The following AKIRIN2 variants were observed in gnomAD, a reference collection of about 807,000 sequenced individuals.
AKIRIN2 encodes akirin-2.
In AKIRIN2, 6 loss-of-function variants were observed where a neutral mutation model predicts 29.3. The observed-to-expected ratio is 0.20, with a 90% CI of 0.11 to 0.40. The LOEUF (loss-of-function observed/expected upper bound fraction) is 0.40, where lower values mean the gene tolerates loss of function less well. Among genes scored for constraint, AKIRIN2 ranks in the 10% least tolerant of loss-of-function variants. The pLI is 1.00. For missense variants in AKIRIN2, 210 were observed against 276.1 expected (o/e 0.76, Z 1.70); for synonymous variants, 128 against 117.5 (o/e 1.09, Z -0.58).
chr6:87,680,683 AAAGAT>A (rs1230954927), intron 2 of AKIRIN2, among the ~76,000 whole-genome samples: 1 of 151,978 alleles, frequency 6.6e-6, no homozygotes, highest in Non-Finnish European at 1.5e-5. Flanking sequence ...GAACTTTACT[AAAGAT>A]AAGAGCCACT....
intron 1 of AKIRIN2, among the ~76,000 whole-genome samples, chr6:87,694,607 G>C (rs920956202): frequency 1.3e-5 from 2 of 152,034 alleles, no homozygotes; most frequent in Admixed American, 6.6e-5. Flanking sequence ...GTCAAATCCA[G>C]AAGTTGTATT....
At chr6:87,683,658 T>C (rs1046954750) in intron 1 of AKIRIN2, among the ~76,000 whole-genome samples, 1 of 152,170 alleles carries the variant, frequency 6.6e-6, no homozygotes, top group African/African-American at 2.4e-5. Flanking sequence ...GGTTTTTCTT[T>C]TCTTTTCTTT....
intron 2 of AKIRIN2, among the ~76,000 whole-genome samples, chr6:87,678,419 T>C (rs544029365): frequency 1.3e-5 from 2 of 151,546 alleles, no homozygotes; most frequent in Admixed American, 6.6e-5. Flanking sequence ...GGAGAATCAC[T>C]TGAACCCGGG....
intron 1 of AKIRIN2, among the ~76,000 whole-genome samples, chr6:87,698,842 T>C (rs3763176): frequency 0.032 from 4,809 of 152,228 alleles, 99 homozygotes; most frequent in Middle Eastern, 0.061. Flanking sequence ...ATAGCTAAGG[T>C]TTAAAACAGA....
chr6:87,683,099 A>G (rs907569050), intron 1 of AKIRIN2, among the ~76,000 whole-genome samples: 1 of 152,178 alleles, frequency 6.6e-6, no homozygotes, highest in African/African-American at 2.4e-5. Flanking sequence ...GGGAGGACAA[A>G]TAAGTTCCTT....
rs118003715 is a variant in AKIRIN2 at position 87,675,591 on chromosome 6, C to T, written c.*6G>A. 598 of 1,613,976 alleles carry T rather than the reference C, an allele frequency of 3.7e-4. 7 individuals are homozygous for T. The East Asian group carries it at 8.2e-3, about 22-fold the overall frequency. On this transcript the variant is annotated 3_prime_UTR_variant, in exon 5 of 5. Transcript: ENST00000257787. ...CAAGGCAGCCCACAAATGCAGGATACGTGATTCATGAAACATCTAAAGGGT... is the reference window on the plus strand; with the variant it reads ...CAAGGCAGCCCACAAATGCAGGATATGTGATTCATGAAACATCTAAAGGGT...
Position 87,701,918 on chromosome 6 carries a change from G to A in AKIRIN2, c.-234C>T. ...GGTGAGAGCGGGAGGGGCGGTGGCG[G>A]GCAGAAGCACACGCCAGTCGCGTCA... On this transcript the variant is annotated 5_prime_UTR_variant, in exon 1 of 5. Coordinates refer to ENST00000257787, the MANE Select transcript of AKIRIN2 (RefSeq NM_018064.4). The A allele has an allele frequency of 2.4e-6, 1 of 413,142 alleles. No homozygotes were observed. The highest frequency in any genetic ancestry group is 4.3e-6 in the Non-Finnish European group (1 of 234,110). 25.6% of individuals were successfully genotyped at this position (413,142 alleles called of 1,614,324 possible). A position where few individuals can be genotyped will look rare whatever the true frequency, so the allele number is the denominator to read the frequency against.
In AKIRIN2 at chr6:87,681,636, A is replaced by G. The variant is rs1377613771; in HGVS notation, c.363T>C (p.Ser121=). 1.2e-6 allele frequency: 2 copies of G among 1,608,852 alleles called. No homozygotes were observed. The highest frequency in any genetic ancestry group is 1.7e-5 in the Admixed American group (1 of 58,408). ...TGTTATTACCTGGTGAAGCTGGTCC[A>G]CTGAGGAGAAATGCATGTGGCTGTG... ...SDAQPHAFLL[S]GPASPGTSSA... The change falls in exon 2 of 5, where the codon AGT becomes AGC. Residue 121 remains serine (S), a synonymous_variant. Coordinates refer to ENST00000257787, the MANE Select transcript of AKIRIN2 (RefSeq NM_018064.4).
chr6:87,694,957 G>A (rs1346742295), intron 1 of AKIRIN2, among the ~76,000 whole-genome samples: 3 of 152,120 alleles, frequency 2.0e-5, no homozygotes, highest in African/African-American at 7.2e-5. Context: ...TAAATTACCT[G>A]CAGGGATTCC....
At chr6:87,683,718 A>T (rs1771149358) in intron 1 of AKIRIN2, among the ~76,000 whole-genome samples, 1 of 152,016 alleles carries the variant, frequency 6.6e-6, no homozygotes, top group African/African-American at 2.4e-5. Flanking sequence ...CAGTGGCGTG[A>T]TCTCAGCTCA....
intron 2 of AKIRIN2, among the ~76,000 whole-genome samples, chr6:87,680,699 A>G (rs1300755500): frequency 6.6e-6 from 1 of 151,344 alleles, no homozygotes; most frequent in African/African-American, 2.4e-5. Context: ...AAGAGCCACT[A>G]TTGATGGCTC....
chr6:87,678,432 G>A (rs966931867), intron 2 of AKIRIN2, among the ~76,000 whole-genome samples: 2 of 152,014 alleles, frequency 1.3e-5, no homozygotes, highest in Non-Finnish European at 1.5e-5. Flanking sequence ...AACCCGGGAG[G>A]CGGAGGTTTC....
At position 87,701,674 on chromosome 6, in the gene AKIRIN2, C is replaced by A; in HGVS notation, c.11G>T (p.Gly4Val). Residue 4 changes from glycine (G) to valine (V), a missense_variant, in exon 1 of 5, where the codon GGA becomes GTA. Transcript: ENST00000257787. Reference protein sequence around the residue: MACGATLKRTLDFD... With the variant: MACVATLKRTLDFD... ...ATCCAGAGTCCTTTTCAGAGTGGCT[C>A]CGCACGCCATGGCCGGGGGCAGCTG... The A allele has an allele frequency of 6.9e-7, 1 of 1,455,726 alleles. No individual in the cohort carries two copies. Among genetic ancestry groups the A allele is most frequent in the Non-Finnish European group, 9.0e-7 (1 of 1,107,614 alleles). The allele number at this position is 1,455,726 out of a possible 1,614,324, so 90.2% of individuals were successfully genotyped here. A position where few individuals can be genotyped will look rare whatever the true frequency, so the allele number is the denominator to read the frequency against.
intron 2 of AKIRIN2, among the ~76,000 whole-genome samples, chr6:87,680,493 G>A (rs1188903689): frequency 2.6e-5 from 4 of 151,510 alleles, no homozygotes; most frequent in Admixed American, 6.6e-5. Context: ...GGATGTTCTC[G>A]ATATCCTGAC....
At chr6:87,689,809 T>C (rs945284926) in intron 1 of AKIRIN2, among the ~76,000 whole-genome samples, 2 of 152,202 alleles carry the variant, frequency 1.3e-5, no homozygotes, top group African/African-American at 4.8e-5. Flanking sequence ...CCTTATGAGG[T>C]GATGCTGCCG....
At chr6:87,696,266 T>C (rs557444917) in intron 1 of AKIRIN2, among the ~76,000 whole-genome samples, 5 of 152,318 alleles carry the variant, frequency 3.3e-5, no homozygotes, top group African/African-American at 1.2e-4. Context: ...TATATTATTC[T>C]CCTTTACATC....
intron 1 of AKIRIN2, among the ~76,000 whole-genome samples, chr6:87,682,381 C>T (rs1771133994): frequency 6.6e-6 from 1 of 152,080 alleles, no homozygotes; most frequent in Non-Finnish European, 1.5e-5. Flanking sequence ...AGGGGGAGAC[C>T]ATGTAAAGTG....
chr6:87,693,648 C>T (rs1386232588), intron 1 of AKIRIN2, among the ~76,000 whole-genome samples: 1 of 151,058 alleles, frequency 6.6e-6, no homozygotes, highest in Non-Finnish European at 1.5e-5. Context: ...TCGCTTGACC[C>T]CAGGAGGCAG....
chr6:87,677,238 C>T (rs1771030106), intron 3 of AKIRIN2, among the ~76,000 whole-genome samples: 1 of 152,064 alleles, frequency 6.6e-6, no homozygotes, highest in Non-Finnish European at 1.5e-5. Flanking sequence ...GATCAAGTAT[C>T]ACAGAAAAAG....
Sources: gnomAD v4.1 joint callset for allele counts (sites outside exome capture counted in the v4.1 genomes callset) on GRCh38, gnomAD v4.1.1 for gene constraint, MANE v1.5 for transcripts, NCBI Gene and HGNC (gene_info 2026-07-23, HGNC 2026-07-21) for gene names.